COMMD1: variants seen among roughly 807,000 people sequenced by gnomAD.
The protein encoded by COMMD1 is copper metabolism domain containing 1.
Under a neutral mutation model 17.2 loss-of-function variants are expected in COMMD1, and 10 were observed. The observed-to-expected ratio is 0.58, with a 90% confidence interval of 0.36 to 0.99. The LOEUF (loss-of-function observed/expected upper bound fraction) is 0.99. COMMD1 is among the 50% of genes least tolerant of loss of function. COMMD1 has a pLI of 0.01. For missense variants in COMMD1, 270 were observed against 231.8 expected (o/e 1.17, Z -1.07); for synonymous variants, 97 against 91.6 (o/e 1.06, Z -0.34).
At chr2:61,970,290 A>G (rs991622080) in intron 1 of COMMD1, among the ~76,000 whole-genome samples, 12 of 151,862 alleles carry the variant, frequency 7.9e-5, no homozygotes, top group African/African-American at 2.7e-4. Flanking sequence ...ATAATGATAA[A>G]TATATTATTT....
intron 1 of COMMD1, among the ~76,000 whole-genome samples, chr2:61,943,783 C>T (rs761978016): frequency 5.9e-5 from 9 of 152,054 alleles, no homozygotes; most frequent in African/African-American, 1.7e-4. Flanking sequence ...TGCAGTGGGC[C>T]GAGATCCCGC....
At chr2:62,098,153 C>CCTTT (rs1052872429) in intron 2 of COMMD1, among the ~76,000 whole-genome samples, 1 of 148,638 alleles carries the variant, frequency 6.7e-6, no homozygotes, top group Admixed American at 6.7e-5. Flanking sequence ...TGTTTCCTTT[C>CCTTT]CTTTCTTTCT....
intron 1 of COMMD1, among the ~76,000 whole-genome samples, chr2:61,991,142 T>C (rs988819506): frequency 1.3e-5 from 2 of 152,164 alleles, no homozygotes; most frequent in Non-Finnish European, 2.9e-5. Context: ...TCAAATTCTT[T>C]TTTTTCTTTA....
Position 61,966,239 on chromosome 2 carries a change from T to C in COMMD1, c.181-34462T>C, listed in dbSNP as rs569305981. The stretch of plus-strand genomic sequence containing the variant: ...TTACTGTTAAACTGCCTGCCCCTCA[T>C]AGGCCATTACAGCATTCAGTAAACT... On this transcript the variant is annotated intron_variant, in intron 1 of 2. Coordinates refer to ENST00000311832, the MANE Select transcript of COMMD1 (RefSeq NM_152516.4). 2.6e-4 allele frequency among the ~76,000 whole-genome samples: 39 copies of C among 152,332 alleles called. 1 individual carries two copies. The highest frequency in any genetic ancestry group is 6.8e-3 in the Middle Eastern group (2 of 294).
At chr2:61,928,160 A>G (rs980908601) in intron 1 of COMMD1, among the ~76,000 whole-genome samples, 21 of 151,752 alleles carry the variant, frequency 1.4e-4, no homozygotes, top group African/African-American at 4.8e-4. Context: ...GCAGGGAGCT[A>G]TTTATTTATT....
At chr2:62,020,119 A>G (rs942118721) in intron 2 of COMMD1, among the ~76,000 whole-genome samples, 39 of 152,312 alleles carry the variant, frequency 2.6e-4, no homozygotes, top group African/African-American at 9.4e-4. Flanking sequence ...CTCCTTGAGT[A>G]CATTACTTCT....
At chr2:61,994,455 C>T (rs1271077793) in intron 1 of COMMD1, among the ~76,000 whole-genome samples, 1 of 152,062 alleles carries the variant, frequency 6.6e-6, no homozygotes, top group Non-Finnish European at 1.5e-5. Context: ...TGAAAGACAG[C>T]TTGTTTTTCT....
At chr2:62,059,546 T>G (rs1203109102) in intron 2 of COMMD1, among the ~76,000 whole-genome samples, 1 of 152,120 alleles carries the variant, frequency 6.6e-6, no homozygotes, top group African/African-American at 2.4e-5. Context: ...CTCCCCATTT[T>G]TTCCCCCTTA....
rs1332695175 is a variant in COMMD1, at chr2:61,990,901, T to TACACACACAC, written c.181-9799_181-9798insCACACACACA. Among the ~76,000 whole-genome samples, 45 of 42,726 alleles carry TACACACACAC rather than the reference T, an allele frequency of 1.1e-3. No homozygotes were observed. The East Asian group carries it at 0.013, about 12-fold the overall frequency. 28.0% of individuals were successfully genotyped at this position (42,726 alleles called of 152,430 possible). The stretch of plus-strand genomic sequence containing the variant: ...ACAAAAAAAAAAAAAAATATATATA[T>TACACACACAC]ATACACACACACACACACACACACA... On this transcript the variant is annotated intron_variant, in intron 1 of 2. Coordinates refer to ENST00000311832, the MANE Select transcript of COMMD1 (RefSeq NM_152516.4).
At chr2:61,951,460 A>C (rs1237994378) in intron 1 of COMMD1, among the ~76,000 whole-genome samples, 3 of 126,094 alleles carry the variant, frequency 2.4e-5, no homozygotes, top group Non-Finnish European at 4.8e-5. Context: ...ACTCTGTCTC[A>C]AAAAAAAAAA....
At chr2:62,104,910 G>A (rs996839080) in intron 2 of COMMD1, among the ~76,000 whole-genome samples, 1 of 151,912 alleles carries the variant, frequency 6.6e-6, no homozygotes. Context: ...TGGATCACCC[G>A]AGGTCAGGAG....
At chr2:61,994,029 C>T (rs1056129235) in intron 1 of COMMD1, among the ~76,000 whole-genome samples, 1 of 152,082 alleles carries the variant, frequency 6.6e-6, no homozygotes, top group African/African-American at 2.4e-5. Context: ...CTCTGTCACC[C>T]AGGCTGAAGT....
intron 1 of COMMD1, among the ~76,000 whole-genome samples, chr2:61,964,086 G>A (rs62149907): frequency 0.017 from 2,581 of 152,282 alleles, 30 homozygotes; most frequent in Non-Finnish European, 0.024. Context: ...AGTAGATAGT[G>A]TTTCCCATTT....
chr2:62,091,926 A>G (rs1671839849), intron 2 of COMMD1, among the ~76,000 whole-genome samples: 1 of 152,224 alleles, frequency 6.6e-6, no homozygotes, highest in African/African-American at 2.4e-5. Flanking sequence ...CAGCCCTATA[A>G]TAGAGGTACC....
chr2:62,106,569 C>T (rs1487482758), intron 2 of COMMD1, among the ~76,000 whole-genome samples: 2 of 152,190 alleles, frequency 1.3e-5, no homozygotes, highest in Non-Finnish European at 2.9e-5. Flanking sequence ...CCTATCCACA[C>T]TCTAAACAAG....
At chr2:61,909,430 A>T (rs1178269276) in intron 1 of COMMD1, among the ~76,000 whole-genome samples, 2 of 152,172 alleles carry the variant, frequency 1.3e-5, no homozygotes, top group African/African-American at 2.4e-5. Context: ...TGAAGAAAGT[A>T]TAGCATATTT....
intron 2 of COMMD1, among the ~76,000 whole-genome samples, chr2:62,116,514 A>T (rs1466444642): frequency 6.6e-6 from 1 of 151,972 alleles, no homozygotes; most frequent in African/African-American, 2.4e-5. Context: ...TCTACTAAAA[A>T]TACCCGAATT....
At position 62,064,812 on chromosome 2, in the gene COMMD1, A is replaced by G. The variant is rs74418572; in HGVS notation, c.462+63830A>G. On this transcript the variant is annotated intron_variant, in intron 2 of 2. Coordinates refer to ENST00000311832, the MANE Select transcript of COMMD1 (RefSeq NM_152516.4). ...TTTTTAAAAGTTTTTTAAAAAGAAT[A>G]TTTGTGTACCATGTTCTTAGAAACC... Among the ~76,000 whole-genome samples, 2,294 of 152,268 alleles carry G rather than the reference A, an allele frequency of 0.015. 130 individuals carry two copies. The East Asian group carries it at 0.16, about 10-fold the overall frequency.
At chr2:61,943,372 A>G (rs1277742862) in intron 1 of COMMD1, among the ~76,000 whole-genome samples, 2 of 152,008 alleles carry the variant, frequency 1.3e-5, no homozygotes, top group Non-Finnish European at 2.9e-5. Flanking sequence ...TGTTTCCCAC[A>G]TTTTTTCTTA....
Sources: allele counts gnomAD v4.1 joint callset (sites outside exome capture counted in the v4.1 genomes callset), GRCh38; gene constraint gnomAD v4.1.1; transcripts MANE v1.5; gene names NCBI Gene and HGNC (gene_info 2026-07-23, HGNC 2026-07-21).